The following EFNB3 variants were observed in gnomAD, a reference collection of about 807,000 sequenced individuals.
EFNB3 encodes ephrin B3, also known as ephrin-B3.
In EFNB3, 14 loss-of-function variants were observed where a neutral mutation model predicts 29.8. The observed-to-expected ratio is 0.47, with a 90% CI of 0.31 to 0.73. The LOEUF (loss-of-function observed/expected upper bound fraction) is 0.73, where lower values mean the gene tolerates loss of function less well. Ranked by LOEUF, EFNB3 falls within the 30% of genes least tolerant of loss-of-function variation. The pLI is 0.05. For missense variants in EFNB3, 408 were observed against 458.0 expected (o/e 0.89, Z 1.00); for synonymous variants, 216 against 191.6 (o/e 1.13, Z -1.05).
In EFNB3 at chr17:7,705,371, G is replaced by A; in HGVS notation, c.-228G>A. 1 of 372,304 alleles carries A rather than the reference G, an allele frequency of 2.7e-6. No homozygotes were observed. 23.1% of individuals were successfully genotyped at this position (372,304 alleles called of 1,614,324 possible). A position where few individuals can be genotyped will look rare whatever the true frequency, so the allele number is the denominator to read the frequency against. On this transcript the variant is annotated 5_prime_UTR_variant, in exon 1 of 5. Transcript: ENST00000226091. The surrounding 1 kb of genome is among the most constrained non-coding windows in gnomAD (Gnocchi z 5.4). ...CAGATCCCGGGGTGCTGGCGCGTGGGCCGGGGGCGCGTAGGGCGCCTGCAG... is the reference window on the plus strand; with the variant it reads ...CAGATCCCGGGGTGCTGGCGCGTGGACCGGGGGCGCGTAGGGCGCCTGCAG...
Position 7,705,649 on chromosome 17 carries a change from G to A in EFNB3, c.51G>A (p.Leu17=). 6.6e-7 allele frequency: 1 copy of A among 1,522,272 alleles called. No homozygotes were observed. Among genetic ancestry groups the A allele is most frequent in the Non-Finnish European group, 8.7e-7 (1 of 1,149,744 alleles). The allele number at this position is 1,522,272 out of a possible 1,614,324, so 94.3% of individuals were successfully genotyped here. A position where few individuals can be genotyped will look rare whatever the true frequency, so the allele number is the denominator to read the frequency against. ...GGGGCGTGCGAGTCGGGGCCCTGCT[G>A]CTGCTGGGGGTTTTGGGGCTGGTGT... is the stretch of plus-strand genomic sequence containing the variant. The part of the protein sequence containing the change: ...GPGGVRVGAL[L]LLGVLGLVSG... Residue 17 remains leucine, a synonymous_variant, in exon 1 of 5, where the codon CTG becomes CTA. Transcript: ENST00000226091. This position sits in a 1 kb window ranked among gnomAD's most constrained non-coding sequence, Gnocchi z 5.4.
chr17:7,709,534 T>C lies in EFNB3; in HGVS notation c.981T>C (p.Asp327=), dbSNP rs780949918. ...DYGHPVYIVQ[D]GPPQSPPNIY... is the part of the protein sequence containing the mutation. ...GGCATCCTGTGTATATCGTGCAGGATGGGCCCCCCCAGAGCCCTCCAAACA... is the reference window on the plus strand; with the variant it reads ...GGCATCCTGTGTATATCGTGCAGGACGGGCCCCCCCAGAGCCCTCCAAACA... Residue 327 remains aspartate (D), a synonymous_variant, in exon 5 of 5, where the codon GAT becomes GAC. Transcript: ENST00000226091. This position sits in a 1 kb window ranked among gnomAD's most constrained non-coding sequence, Gnocchi z 4.5. The C allele has an allele frequency of 1.9e-6, 3 of 1,613,936 alleles. No individual in the cohort carries two copies. The South Asian group carries it at 3.3e-5, about 18-fold the overall frequency.
chr17:7,709,581 T>G lies in EFNB3; in HGVS notation c.*5T>G. 2 of 1,613,724 alleles carry G rather than the reference T, an allele frequency of 1.2e-6. No homozygotes were observed. Among genetic ancestry groups the G allele is most frequent in the Non-Finnish European group, 1.7e-6 (2 of 1,179,900 alleles). ...AACATCTACTACAAGGTATGAGGGC[T>G]CCTCTCACGTGGCTATCCTGAATCC... On this transcript the variant is annotated 3_prime_UTR_variant, in exon 5 of 5. Coordinates refer to ENST00000226091, the MANE Select transcript of EFNB3 (RefSeq NM_001406.4). The surrounding 1 kb of genome is among the most constrained non-coding windows in gnomAD (Gnocchi z 4.5).
At position 7,710,042 on chromosome 17, in the gene EFNB3, T is replaced by G; in HGVS notation, c.*466T>G. The stretch of plus-strand genomic sequence containing the variant: ...TAGCATCCTCCTCCCCACATCTCCT[T>G]TCACCCTCTTGGCTTCTTATCCTGT... On this transcript the variant is annotated 3_prime_UTR_variant, in exon 5 of 5. Transcript: ENST00000226091. The G allele has an allele frequency of 4.5e-6, 1 of 223,760 alleles. No individual in the cohort carries two copies. Among genetic ancestry groups the G allele is most frequent in the Non-Finnish European group, 8.8e-6 (1 of 113,570 alleles). The allele number at this position is 223,760 out of a possible 1,614,324, so 13.9% of individuals were successfully genotyped here. A position where few individuals can be genotyped will look rare whatever the true frequency, so the allele number is the denominator to read the frequency against.
chr17:7,708,567 C>T lies in EFNB3; in HGVS notation c.508+40C>T, dbSNP rs774866909. Reference sequence around the variant, plus strand: ...GGGACACCTCCTGGGCACGAAGGGACGTTGGGGCAGTACGATCATGGTTGG... The same window carrying T: ...GGGACACCTCCTGGGCACGAAGGGATGTTGGGGCAGTACGATCATGGTTGG... On this transcript the variant is annotated intron_variant, in intron 3 of 4. Coordinates refer to ENST00000226091, the MANE Select transcript of EFNB3 (RefSeq NM_001406.4). This position sits in a 1 kb window ranked among gnomAD's most constrained non-coding sequence, Gnocchi z 6.8. 1.3e-5 allele frequency: 21 copies of T among 1,604,048 alleles called. No homozygotes were observed. The East Asian group carries it at 2.5e-4, about 19-fold the overall frequency.
Position 7,708,454 on chromosome 17 carries a change from G to A in EFNB3, c.435G>A (p.Arg145=). Residue 145 remains arginine, a synonymous_variant, in exon 3 of 5, where the codon CGG becomes CGA. Transcript: ENST00000226091. The surrounding 1 kb of genome is among the most constrained non-coding windows in gnomAD (Gnocchi z 6.8). The stretch of plus-strand genomic sequence containing the variant: ...TCCCAGCCACATCGGATGGGACCCG[G>A]GAGGGCCTGGAGAGCCTGCAGGGAG... ...YYIIATSDGT[R]EGLESLQGGV... is the part of the protein sequence containing the mutation. 1 of 1,613,582 alleles carries A rather than the reference G, an allele frequency of 6.2e-7. No individual in the cohort carries two copies. The highest frequency in any genetic ancestry group is 8.5e-7 in the Non-Finnish European group (1 of 1,179,802).
chr17:7,709,175 AC>A lies in EFNB3; in HGVS notation c.624del (p.Ser209AlafsTer85). On this transcript the variant is annotated frameshift_variant, in exon 5 of 5. Transcript: ENST00000226091. LOFTEE classifies it high-confidence loss of function. This position sits in a 1 kb window ranked among gnomAD's most constrained non-coding sequence, Gnocchi z 4.5. ...CACCCCTTCCCTGCCAGGTGACCCC[AC>A]CAGCAATGCAACCTCCCGGGGTGCT... ...PGKENLPGDPTSNATSRGAEG... is the reference protein window; with the variant it reads ...PGKENLPGDPXSNATSRGAEG... The A allele has an allele frequency of 6.2e-7, 1 of 1,600,988 alleles. No individual in the cohort carries two copies.
chr17:7,707,903 TG>T, intron 1 of EFNB3, 54 bp from the exon 2 acceptor site: 1 of 1,537,924 alleles, frequency 6.5e-7, no homozygotes, highest in Non-Finnish European at 8.7e-7. Context: ...AGGAAAGTTC[TG>T]GGGGCCAGGC....
At chr17:7,706,853 C>T (rs981793694) in intron 1 of EFNB3, among the ~76,000 whole-genome samples, 2 of 152,184 alleles carry the variant, frequency 1.3e-5, no homozygotes, top group Admixed American at 1.3e-4. Flanking sequence ...TCCCAGCCTC[C>T]CTCACACTTC....
At position 7,709,271 on chromosome 17, in the gene EFNB3, C is replaced by T. The variant is rs761902972; in HGVS notation, c.718C>T (p.Leu240=). The change falls in exon 5 of 5, where the codon CTG becomes TTG. Residue 240 remains leucine, a synonymous_variant. Coordinates refer to ENST00000226091, the MANE Select transcript of EFNB3 (RefSeq NM_001406.4). This position sits in a 1 kb window ranked among gnomAD's most constrained non-coding sequence, Gnocchi z 4.5. ...AGCAGGGGGGCTGGCGCTGCTCTTG[C>T]TGGGCGTGGCAGGGGCTGGGGGTGC... is the stretch of plus-strand genomic sequence containing the variant. ...GAAGGLALLL[L]GVAGAGGAMC... 1 of 1,583,694 alleles carries T rather than the reference C, an allele frequency of 6.3e-7. No homozygotes were observed. Among genetic ancestry groups the T allele is most frequent in the Non-Finnish European group, 8.6e-7 (1 of 1,169,366 alleles).
At position 7,709,695 on chromosome 17, in the gene EFNB3, ACTCCT is replaced by A. The variant is rs1343961839; in HGVS notation, c.*121_*125del. 5.0e-6 allele frequency: 5 copies of A among 1,003,532 alleles called. No individual in the cohort carries two copies. Among genetic ancestry groups the A allele is most frequent in the Admixed American group, 2.1e-5 (1 of 46,764 alleles). The allele number at this position is 1,003,532 out of a possible 1,614,324, so 62.2% of individuals were successfully genotyped here. A position where few individuals can be genotyped will look rare whatever the true frequency, so the allele number is the denominator to read the frequency against. On this transcript the variant is annotated 3_prime_UTR_variant, in exon 5 of 5. Coordinates refer to ENST00000226091, the MANE Select transcript of EFNB3 (RefSeq NM_001406.4). The surrounding 1 kb of genome is among the most constrained non-coding windows in gnomAD (Gnocchi z 4.5). ...CCCCCTGTGCCCCCCCAGCCCCTTCACTCCTCCCGGCTGCTGTCCTCGTCTCCACT... is the reference window on the plus strand; with the variant it reads ...CCCCCTGTGCCCCCCCAGCCCCTTCACCCGGCTGCTGTCCTCGTCTCCACT...
chr17:7,708,228 G>C lies in EFNB3; in HGVS notation c.393G>C (p.Ser131=), dbSNP rs201844534. Residue 131 remains serine (S), a synonymous_variant, in exon 2 of 5, where the codon TCG becomes TCC. Transcript: ENST00000226091. The surrounding 1 kb of genome is among the most constrained non-coding windows in gnomAD (Gnocchi z 6.8). ...ATCTCTGGGGCCACGAGTTCCGCTC[G>C]CACCACGATTACTACATCATTGGTA... ...SPNLWGHEFR[S]HHDYYIIATS... is the part of the protein sequence containing the mutation. 11 of 1,609,746 alleles carry C rather than the reference G, an allele frequency of 6.8e-6. No individual in the cohort carries two copies. In the East Asian group the frequency reaches 2.0e-4, roughly 29 times the overall value.
In EFNB3 at chr17:7,709,114, G is replaced by T; in HGVS notation, c.614-53G>T. ...CCAGGGTTGGGTGTCCAGGTGCCCA[G>T]GTGGCTCCTTCAGTCCCTCCCCCTC... is the stretch of plus-strand genomic sequence containing the variant. On this transcript the variant is annotated intron_variant, in intron 4 of 4. Transcript: ENST00000226091. This position sits in a 1 kb window ranked among gnomAD's most constrained non-coding sequence, Gnocchi z 4.5. 1 of 1,558,480 alleles carries T rather than the reference G, an allele frequency of 6.4e-7. No homozygotes were observed.
chr17:7,711,343 A>C lies in EFNB3; in HGVS notation c.*1767A>C, dbSNP rs1293755762. On this transcript the variant is annotated 3_prime_UTR_variant, in exon 5 of 5. Transcript: ENST00000226091. Reference sequence around the variant, plus strand: ...GAAATTTGAACAACAAAAACCAAAAAAAATAAAAATAAAAAACTTCAAAAG... The same window carrying C: ...GAAATTTGAACAACAAAAACCAAAACAAATAAAAATAAAAAACTTCAAAAG... 1 of 152,668 alleles carries C rather than the reference A, an allele frequency of 6.6e-6. No homozygotes were observed. Among genetic ancestry groups the C allele is most frequent in the Non-Finnish European group, 1.5e-5 (1 of 68,050 alleles). 9.5% of individuals were successfully genotyped at this position (152,668 alleles called of 1,614,324 possible). A position where few individuals can be genotyped will look rare whatever the true frequency, so the allele number is the denominator to read the frequency against.
At position 7,705,672 on chromosome 17, in the gene EFNB3, TG is replaced by T; in HGVS notation, c.75del (p.Ser26LeufsTer33). 6.5e-7 allele frequency: 1 copy of T among 1,536,096 alleles called. No homozygotes were observed. ...CTGCTGCTGGGGGTTTTGGGGCTGGTGTCTGGGCTCAGCCTGGAGCCTGTCT... is the reference window on the plus strand; with the variant it reads ...CTGCTGCTGGGGGTTTTGGGGCTGGTTCTGGGCTCAGCCTGGAGCCTGTCT... Reference protein sequence around the residue: ...ALLLLGVLGLVSGLSLEPVYW... With the variant: ...ALLLLGVLGLXSGLSLEPVYW... On this transcript the variant is annotated frameshift_variant, in exon 1 of 5. Transcript: ENST00000226091. LOFTEE classifies it high-confidence loss of function. The surrounding 1 kb of genome is among the most constrained non-coding windows in gnomAD (Gnocchi z 5.4).
Position 7,708,793 on chromosome 17 carries a change from C to A in EFNB3, c.613+54C>A. 2.1e-6 allele frequency: 3 copies of A among 1,449,112 alleles called. No homozygotes were observed. The highest frequency in any genetic ancestry group is 2.8e-6 in the Non-Finnish European group (3 of 1,085,636). The allele number at this position is 1,449,112 out of a possible 1,614,324, so 89.8% of individuals were successfully genotyped here. A position where few individuals can be genotyped will look rare whatever the true frequency, so the allele number is the denominator to read the frequency against. ...TCCCCAGCTTCCTCTGCTCTCAGAC[C>A]CCAGCTGCCCTGCCGTCACCCTCCC... On this transcript the variant is annotated intron_variant, in intron 4 of 4. Transcript: ENST00000226091. The surrounding 1 kb of genome is among the most constrained non-coding windows in gnomAD (Gnocchi z 6.8).
chr17:7,709,067 C>T lies in EFNB3; in HGVS notation c.614-100C>T. ...GGGTCCCCAAGGGGCCTGGGCGCTA[C>T]AAGGGAAGCCCATGGGGACCCCCAG... On this transcript the variant is annotated intron_variant, in intron 4 of 4. Transcript: ENST00000226091. The surrounding 1 kb of genome is among the most constrained non-coding windows in gnomAD (Gnocchi z 4.5). 5 of 1,246,186 alleles carry T rather than the reference C, an allele frequency of 4.0e-6. No homozygotes were observed. Among genetic ancestry groups the T allele is most frequent in the Non-Finnish European group, 4.5e-6 (4 of 884,082 alleles). The allele number at this position is 1,246,186 out of a possible 1,614,324, so 77.2% of individuals were successfully genotyped here. A position where few individuals can be genotyped will look rare whatever the true frequency, so the allele number is the denominator to read the frequency against.
chr17:7,705,536 CA>C lies in EFNB3; in HGVS notation c.-62del. The C allele has an allele frequency of 1.0e-6, 1 of 980,644 alleles. No individual in the cohort carries two copies. The highest frequency in any genetic ancestry group is 1.4e-6 in the Non-Finnish European group (1 of 709,276). 60.7% of individuals were successfully genotyped at this position (980,644 alleles called of 1,614,324 possible). A position where few individuals can be genotyped will look rare whatever the true frequency, so the allele number is the denominator to read the frequency against. ...TGAAGAGCCAGGCAGCCAAGGCAGCCACCCCGGGGGGTGGGCGACTTTGGGG... is the reference window on the plus strand; with the variant it reads ...TGAAGAGCCAGGCAGCCAAGGCAGCCCCCCGGGGGGTGGGCGACTTTGGGG... On this transcript the variant is annotated 5_prime_UTR_variant, in exon 1 of 5. Transcript: ENST00000226091. The surrounding 1 kb of genome is among the most constrained non-coding windows in gnomAD (Gnocchi z 5.4).
Position 7,709,676 on chromosome 17 carries a change from GT to G in EFNB3, c.*101del. The G allele has an allele frequency of 7.6e-7, 1 of 1,308,214 alleles. No homozygotes were observed. The highest frequency in any genetic ancestry group is 1.1e-6 in the Non-Finnish European group (1 of 927,974). The allele number at this position is 1,308,214 out of a possible 1,614,324, so 81.0% of individuals were successfully genotyped here. On this transcript the variant is annotated 3_prime_UTR_variant, in exon 5 of 5. Transcript: ENST00000226091. The surrounding 1 kb of genome is among the most constrained non-coding windows in gnomAD (Gnocchi z 4.5). ...GACACCTCTAACATCTCGGCCCCCT[GT>G]GCCCCCCCAGCCCCTTCACTCCTCC...
Sources: gnomAD v4.1 joint callset for allele counts (sites outside exome capture counted in the v4.1 genomes callset) on GRCh38, gnomAD v4.1.1 for gene constraint, Gnocchi (gnomAD v3.1) non-coding constraint, MANE v1.5 for transcripts, NCBI Gene and HGNC (gene_info 2026-07-23, HGNC 2026-07-21) for gene names.